The following CMTR1 variants were observed in gnomAD, a reference collection of about 807,000 sequenced individuals.
CMTR1 encodes cap methyltransferase 1.
A neutral mutation model predicts 107.0 loss-of-function variants in CMTR1; 39 were observed. The observed-to-expected ratio is 0.36, with a 90% CI of 0.28 to 0.48. CMTR1 has a LOEUF of 0.48. Among genes scored for constraint, CMTR1 ranks in the 20% least tolerant of loss-of-function variants. The probability of loss-of-function intolerance (pLI) is 0.99; values close to 1 mark genes in which losing one functional copy is unlikely to be tolerated. For missense variants in CMTR1, 672 were observed against 1,064.9 expected, an observed-to-expected ratio of 0.63 and a Z score of 5.14; for synonymous variants, 366 against 379.5, an observed-to-expected ratio of 0.96 and a Z score of 0.41.
intron 4 of CMTR1, among the ~76,000 whole-genome samples, chr6:37,449,865 A>G (rs576732582): frequency 2.0e-5 from 3 of 152,220 alleles, no homozygotes; most frequent in East Asian, 1.9e-4. Flanking sequence ...CCTACATTGT[A>G]TGCGATAACT....
chr6:37,453,320 CA>C lies in CMTR1; in HGVS notation c.777+10del. On this transcript the variant is annotated intron_variant, in intron 8 of 23. Transcript: ENST00000373451. ...CCGCGGGACTCTTATGGGGTGAGAA[CA>C]AGATTCTGCTTCTGAATTCATGGTG... is the stretch of plus-strand genomic sequence containing the variant. 1 of 1,613,276 alleles carries C rather than the reference CA, an allele frequency of 6.2e-7. No individual in the cohort carries two copies. The highest frequency in any genetic ancestry group is 8.5e-7 in the Non-Finnish European group (1 of 1,179,248).
chr6:37,456,032 A>C (rs1761285944), intron 8 of CMTR1, among the ~76,000 whole-genome samples: 1 of 152,226 alleles, frequency 6.6e-6, no homozygotes, highest in Non-Finnish European at 1.5e-5. Context: ...TAAGGGCCAT[A>C]CATCTTGAAA....
Position 37,472,473 on chromosome 6 carries a change from T to G in CMTR1, c.1675T>G (p.Phe559Val). 1 of 1,614,184 alleles carries G rather than the reference T, an allele frequency of 6.2e-7. No homozygotes were observed. Among genetic ancestry groups the G allele is most frequent in the Non-Finnish European group, 8.5e-7 (1 of 1,180,004 alleles). Residue 559 changes from phenylalanine to valine, a missense_variant, in exon 16 of 24, where the codon TTT becomes GTT. Transcript: ENST00000373451. This position sits in a 1 kb window ranked among gnomAD's most constrained non-coding sequence, Gnocchi z 4.1. ...TTCCTCCGACCCTAAATCGAAGTTC[T>G]TTGAGCTAATCCAGGTAAGACTGGT... Reference protein sequence around the residue: ...PSSSDPKSKFFELIQGTEIDI... With the variant: ...PSSSDPKSKFVELIQGTEIDI...
intron 2 of CMTR1, among the ~76,000 whole-genome samples, chr6:37,440,201 C>G (rs2113864322): frequency 6.6e-6 from 1 of 152,352 alleles, no homozygotes; most frequent in African/African-American, 2.4e-5. Flanking sequence ...TTGGCAAATT[C>G]TTATTGAAAC....
rs377023413 is a variant in CMTR1, at chr6:37,453,108, A to T, written c.671A>T (p.Tyr224Phe). Reference protein sequence around the residue: ...MRRARTRANPYEMIRGVFFLN... With the variant: ...MRRARTRANPFEMIRGVFFLN... ...CGAGCTCGGACTCGGGCCAATCCCT[A>T]TGAGATGATCCGAGGAGTCTTCTTT... Residue 224 changes from tyrosine (Y) to phenylalanine (F), a missense_variant, in exon 7 of 24, where the codon TAT becomes TTT. By Grantham distance (22) the Tyr-to-Phe change is conservative. Transcript: ENST00000373451. The T allele has an allele frequency of 1.2e-5, 19 of 1,614,026 alleles. No individual in the cohort carries two copies. The highest frequency in any genetic ancestry group is 1.4e-5 in the Non-Finnish European group (17 of 1,180,036).
intron 18 of CMTR1, among the ~76,000 whole-genome samples, chr6:37,475,061 G>C (rs780978445): frequency 2.6e-5 from 4 of 152,218 alleles, no homozygotes; most frequent in Non-Finnish European, 5.9e-5. Flanking sequence ...ATCCTGGCTG[G>C]AGTGCCATGG....
chr6:37,466,679 G>A (rs1211894386), intron 13 of CMTR1, among the ~76,000 whole-genome samples: 2 of 152,032 alleles, frequency 1.3e-5, no homozygotes, highest in African/African-American at 2.4e-5. Flanking sequence ...GCCAGTAGTA[G>A]ACAGTTTTTA....
In CMTR1 at chr6:37,480,233, T is replaced by C; in HGVS notation, c.*88T>C. ...GCCCACAGTGCTGGCTTCTTCCCCCTCTTGAAAAGGGACTGGGGAGCATTG... is the reference window on the plus strand; with the variant it reads ...GCCCACAGTGCTGGCTTCTTCCCCCCCTTGAAAAGGGACTGGGGAGCATTG... On this transcript the variant is annotated 3_prime_UTR_variant, in exon 24 of 24. Transcript: ENST00000373451. The C allele has an allele frequency of 6.4e-7, 1 of 1,554,098 alleles. No homozygotes were observed. Among genetic ancestry groups the C allele is most frequent in the South Asian group, 1.2e-5 (1 of 82,080 alleles).
At chr6:37,432,778 G>T (rs1170380850), upstream of CMTR1, among the ~76,000 whole-genome samples, 1 of 152,184 alleles carries the variant, frequency 6.6e-6, no homozygotes, top group Non-Finnish European at 1.5e-5. Context: ...GTGCCCATAT[G>T]GTAAGATGCT....
intron 11 of CMTR1, 95 bp from the exon 12 acceptor site, chr6:37,461,875 T>C: frequency 7.1e-7 from 1 of 1,406,868 alleles, no homozygotes; most frequent in Non-Finnish European, 9.9e-7. Flanking sequence ...CAGGTGCTGG[T>C]TTCCTTGACT....
At position 37,473,557 on chromosome 6, in the gene CMTR1, T is replaced by C; in HGVS notation, c.1777T>C (p.Cys593Arg). 1 of 1,614,176 alleles carries C rather than the reference T, an allele frequency of 6.2e-7. No homozygotes were observed. The highest frequency in any genetic ancestry group is 8.5e-7 in the Non-Finnish European group (1 of 1,180,022). ...GATCCGCCCTGTGTTTGACTACCGC[T>C]GCATGGTATCTGGCAGTGAGCAGAA... Reference protein sequence around the residue: ...EKIRPVFDYRCMVSGSEQKFL... With the variant: ...EKIRPVFDYRRMVSGSEQKFL... Residue 593 changes from cysteine (C) to arginine (R), a missense_variant, in exon 17 of 24, where the codon TGC becomes CGC. By Grantham distance (180) the Cys-to-Arg change is radical. This residue lies in a region of CMTR1 where 583 missense variants were observed against 968.4 expected (regional missense o/e 0.60). Transcript: ENST00000373451.
At chr6:37,450,655 T>C (rs1442430012) in intron 5 of CMTR1, among the ~76,000 whole-genome samples, 2 of 152,250 alleles carry the variant, frequency 1.3e-5, no homozygotes, top group African/African-American at 4.8e-5. Flanking sequence ...TGATCACTGC[T>C]AGATGAAAAG....
At chr6:37,424,538 C>T in the CMTR1 span, among the ~76,000 whole-genome samples, 695 of 152,070 alleles carry the variant, frequency 4.6e-3, 2 homozygotes, top group Admixed American at 8.2e-3. Flanking sequence ...TGAGCCACCG[C>T]GCCCGGCCTA....
chr6:37,445,720 C>T (rs558109267), intron 3 of CMTR1, among the ~76,000 whole-genome samples: 5 of 151,956 alleles, frequency 3.3e-5, no homozygotes, highest in Non-Finnish European at 1.5e-5. Flanking sequence ...GTCTCTATCT[C>T]CTGACCTCGT....
chr6:37,454,299 T>C (rs1033697612), intron 8 of CMTR1, among the ~76,000 whole-genome samples: 4 of 152,202 alleles, frequency 2.6e-5, no homozygotes, highest in Non-Finnish European at 5.9e-5. Context: ...CAGCTCCACC[T>C]ACCTAACTGC....
intron 4 of CMTR1, 144 bp from the exon 5 acceptor site, chr6:37,450,107 G>C: frequency 1.6e-6 from 1 of 618,554 alleles, no homozygotes; most frequent in South Asian, 2.1e-5. Flanking sequence ...TCTCATGTCT[G>C]ACCACTGCAT....
intron 13 of CMTR1, among the ~76,000 whole-genome samples, chr6:37,464,261 C>T (rs1057140831): frequency 1.3e-5 from 2 of 151,846 alleles, no homozygotes; most frequent in African/African-American, 2.4e-5. Flanking sequence ...ATCCGGAGAT[C>T]GAGACCATCC....
At chr6:37,447,782 C>T (rs1771829439) in intron 4 of CMTR1, among the ~76,000 whole-genome samples, 1 of 151,988 alleles carries the variant, frequency 6.6e-6, no homozygotes, top group Non-Finnish European at 1.5e-5. Flanking sequence ...ATCACTTGAA[C>T]CTGGGAAGCA....
intron 8 of CMTR1, among the ~76,000 whole-genome samples, chr6:37,456,084 A>AGGT (rs1214024062): frequency 6.6e-6 from 1 of 152,216 alleles, no homozygotes; most frequent in Non-Finnish European, 1.5e-5. Flanking sequence ...TGCAGGGGTG[A>AGGT]GGTGTTCGCA....
Sources: allele counts gnomAD v4.1 joint callset (sites outside exome capture counted in the v4.1 genomes callset), GRCh38; gene constraint gnomAD v4.1.1; regional missense constraint gnomAD v4.1.1; non-coding constraint Gnocchi (gnomAD v3.1); transcripts MANE v1.5; gene names NCBI Gene and HGNC (gene_info 2026-07-23, HGNC 2026-07-21).